MB21D2: variants seen among roughly 807,000 people sequenced by gnomAD.
MB21D2 encodes the protein Mab-21 domain containing 2, also known as nucleotidyltransferase MB21D2.
A neutral mutation model predicts 33.3 loss-of-function variants in MB21D2; 9 were observed. The observed-to-expected ratio is 0.27, with a 90% CI of 0.16 to 0.47. The LOEUF (loss-of-function observed/expected upper bound fraction) is 0.47, where lower values mean the gene tolerates loss of function less well. Among genes scored for constraint, MB21D2 ranks in the 20% least tolerant of loss-of-function variants. The pLI, the probability that MB21D2 is intolerant of heterozygous loss-of-function variation, is 0.99. For synonymous variants in MB21D2, 241 were observed against 236.3 expected (o/e 1.02, Z -0.18); for missense variants, 540 against 624.6 (o/e 0.86, Z 1.44).
At chr3:192,841,963 G>T (rs887458907) in intron 1 of MB21D2, among the ~76,000 whole-genome samples, 1 of 152,186 alleles carries the variant, frequency 6.6e-6, no homozygotes, top group Admixed American at 6.5e-5. Flanking sequence ...GAAAAGCTCC[G>T]TGGGCAGTGG....
At chr3:192,911,972 A>G (rs567875920) in intron 1 of MB21D2, among the ~76,000 whole-genome samples, 2 of 152,348 alleles carry the variant, frequency 1.3e-5, no homozygotes, top group African/African-American at 2.4e-5. Context: ...ATAAATTTCC[A>G]TGGTAAATCC....
intron 1 of MB21D2, among the ~76,000 whole-genome samples, chr3:192,878,081 C>CTTT (rs11294126): frequency 3.3e-5 from 4 of 119,496 alleles, no homozygotes; most frequent in East Asian, 2.7e-4. Flanking sequence ...AATTCCTCCT[C>CTTT]TTTTTTTTTT....
chr3:192,907,297 A>C (rs1336824060), intron 1 of MB21D2, among the ~76,000 whole-genome samples: 1 of 151,824 alleles, frequency 6.6e-6, no homozygotes, highest in African/African-American at 2.4e-5. Context: ...GCTTGTATTT[A>C]CTCATTCCAC....
rs528779393 is a variant in MB21D2 at position 192,869,214 on chromosome 3, C to T, written c.211+48416G>A. On this transcript the variant is annotated intron_variant, in intron 1 of 1. Transcript: ENST00000392452. ...GAGACTGCAGTGAGCCAAGATGGAG[C>T]CACTGCACTCCAGCCTCGGCGACAG... 2.7e-5 allele frequency among the ~76,000 whole-genome samples: 4 copies of T among 149,000 alleles called. No individual in the cohort carries two copies. In the South Asian group the frequency reaches 8.7e-4, roughly 32 times the overall value.
intron 1 of MB21D2, among the ~76,000 whole-genome samples, chr3:192,883,628 T>A (rs1375515448): frequency 1.3e-5 from 2 of 152,092 alleles, no homozygotes; most frequent in Non-Finnish European, 2.9e-5. Flanking sequence ...TCTGGAAACA[T>A]GATCCAGTAG....
rs899313674 is a variant in MB21D2 at position 192,913,112 on chromosome 3, C to T, written c.211+4518G>A. Among the ~76,000 whole-genome samples the T allele has an allele frequency of 3.3e-5, 5 of 152,316 alleles. No individual in the cohort carries two copies. In the South Asian group the frequency reaches 1.0e-3, roughly 32 times the overall value. On this transcript the variant is annotated intron_variant, in intron 1 of 1. Transcript: ENST00000392452. The stretch of plus-strand genomic sequence containing the variant: ...TGCAGAAATAATTCCAATTTAAGTT[C>T]ACTGGATCTTCTAAGAAAGTATATT...
chr3:192,878,435 T>C (rs1258820808), intron 1 of MB21D2, among the ~76,000 whole-genome samples: 2 of 152,220 alleles, frequency 1.3e-5, no homozygotes, highest in African/African-American at 4.8e-5. Context: ...TTCTATGGTA[T>C]TAGGTTTTTG....
chr3:192,893,150 A>C (rs1421981034), intron 1 of MB21D2, among the ~76,000 whole-genome samples: 1 of 152,114 alleles, frequency 6.6e-6, no homozygotes, highest in African/African-American at 2.4e-5. Flanking sequence ...CCAACCTCCC[A>C]ACGCAGGTCA....
chr3:192,836,357 G>C (rs1340422041), intron 1 of MB21D2, among the ~76,000 whole-genome samples: 2 of 152,180 alleles, frequency 1.3e-5, no homozygotes, highest in African/African-American at 2.4e-5. Context: ...CAGCCTGGGT[G>C]CTTGTTATGG....
At chr3:192,895,194 A>ACC (rs1273943300) in intron 1 of MB21D2, among the ~76,000 whole-genome samples, 1 of 151,816 alleles carries the variant, frequency 6.6e-6, no homozygotes, top group Admixed American at 6.6e-5. Context: ...TCCAGTGCTC[A>ACC]CCTCCTTCAT....
chr3:192,910,394 C>T (rs1369153143), intron 1 of MB21D2, among the ~76,000 whole-genome samples: 1 of 151,960 alleles, frequency 6.6e-6, no homozygotes, highest in African/African-American at 2.4e-5. Flanking sequence ...AGGAGGATCG[C>T]TTGAGCCCAA....
chr3:192,799,659 A>G lies in MB21D2; in HGVS notation c.212-9T>C, dbSNP rs1480519816. On this transcript the variant is annotated splice_polypyrimidine_tract_variant and intron_variant, in intron 1 of 1. Transcript: ENST00000392452. The surrounding 1 kb of genome is among the most constrained non-coding windows in gnomAD (Gnocchi z 4.1). Reference sequence around the variant, plus strand: ...CAGCTTTTGCACCATTCCTGGAAATAAAGAAGAAAAAAACAACACTATTAC... The same window carrying G: ...CAGCTTTTGCACCATTCCTGGAAATGAAGAAGAAAAAAACAACACTATTAC... The G allele has an allele frequency of 1.2e-6, 2 of 1,606,148 alleles. No individual in the cohort carries two copies. The highest frequency in any genetic ancestry group is 1.7e-5 in the Admixed American group (1 of 58,528).
chr3:192,911,130 A>G (rs1277001944), intron 1 of MB21D2, among the ~76,000 whole-genome samples: 1 of 152,178 alleles, frequency 6.6e-6, no homozygotes, highest in Non-Finnish European at 1.5e-5. Context: ...CCTTGTTAAA[A>G]GCCAGGGTTT....
intron 1 of MB21D2, among the ~76,000 whole-genome samples, chr3:192,917,319 C>T (rs963849343): frequency 4.6e-5 from 7 of 152,208 alleles, no homozygotes; most frequent in African/African-American, 1.7e-4. Flanking sequence ...GGGCTTCCCC[C>T]AACAGTGCAA....
At chr3:192,903,390 C>T (rs961541327) in intron 1 of MB21D2, among the ~76,000 whole-genome samples, 2 of 152,304 alleles carry the variant, frequency 1.3e-5, no homozygotes, top group African/African-American at 4.8e-5. Context: ...TTTCGAGTTT[C>T]CTGGCAGCAT....
intron 1 of MB21D2, among the ~76,000 whole-genome samples, chr3:192,813,371 C>CA (rs951458340): frequency 2.0e-5 from 3 of 150,114 alleles, no homozygotes; most frequent in African/African-American, 7.4e-5. Context: ...TCAGAGGAAA[C>CA]AGTCTTTGAT....
intron 1 of MB21D2, among the ~76,000 whole-genome samples, chr3:192,828,323 A>T (rs993981890): frequency 5.9e-5 from 9 of 151,614 alleles, no homozygotes; most frequent in African/African-American, 2.2e-4. Context: ...AGCCACATAC[A>T]GTGACGCATG....
intron 1 of MB21D2, among the ~76,000 whole-genome samples, chr3:192,898,010 T>C (rs1022518798): frequency 1.3e-5 from 2 of 152,106 alleles, no homozygotes; most frequent in Admixed American, 6.6e-5. Context: ...AGCTGGTTCC[T>C]GACTGAGAGA....
chr3:192,897,682 T>A (rs1714007930), intron 1 of MB21D2, among the ~76,000 whole-genome samples: 1 of 152,102 alleles, frequency 6.6e-6, no homozygotes, highest in South Asian at 2.1e-4. Flanking sequence ...CAGTTCCAAA[T>A]CTGACGTATG....
Sources: allele counts gnomAD v4.1 joint callset (sites outside exome capture counted in the v4.1 genomes callset), GRCh38; gene constraint gnomAD v4.1.1; non-coding constraint Gnocchi (gnomAD v3.1); transcripts MANE v1.5; gene names NCBI Gene and HGNC (gene_info 2026-07-23, HGNC 2026-07-21).